Variants in TACR3 observed in about 807,000 individuals in gnomAD.
TACR3 encodes the protein neuromedin-K receptor.
TACR3 carries 34 observed loss-of-function variants against 35.0 expected under a neutral mutation model. That is an observed-to-expected ratio of 0.97 (90% CI 0.74 to 1.30). The LOEUF (loss-of-function observed/expected upper bound fraction) is 1.30, where lower values mean the gene tolerates loss of function less well. TACR3 is among the 50% of genes most tolerant of loss of function. The pLI is 0.00. For missense variants in TACR3, 558 were observed against 591.7 expected, an observed-to-expected ratio of 0.94 and a Z score of 0.59; for synonymous variants, 233 against 221.1, an observed-to-expected ratio of 1.05 and a Z score of -0.48.
intron 1 of TACR3, among the ~76,000 whole-genome samples, chr4:103,703,680 T>C (rs935021705): frequency 2.0e-5 from 3 of 152,114 alleles, no homozygotes; most frequent in African/African-American, 7.2e-5. Flanking sequence ...TGATTTATGC[T>C]CAGAGTGATG....
At position 103,698,018 on chromosome 4, in the gene TACR3, T is replaced by C. The variant is rs1722563795; in HGVS notation, c.548+21110A>G. The stretch of plus-strand genomic sequence containing the variant: ...ATTCTGTTATTTTAAAAGATAATAT[T>C]GAATTATACTACTATTGTTTGATTC... On this transcript the variant is annotated intron_variant, in intron 1 of 4. Coordinates refer to ENST00000304883, the MANE Select transcript of TACR3 (RefSeq NM_001059.3). Among the ~76,000 whole-genome samples, 6 of 152,184 alleles carry C rather than the reference T, an allele frequency of 3.9e-5. No homozygotes were observed. In the South Asian group the frequency reaches 1.2e-3, roughly 31 times the overall value.
intron 3 of TACR3, among the ~76,000 whole-genome samples, chr4:103,622,021 C>CA (rs1724793610): frequency 6.6e-6 from 1 of 151,948 alleles, no homozygotes; most frequent in Non-Finnish European, 1.5e-5. Context: ...GAAGAAAAGC[C>CA]AAAAAAGTCT....
At chr4:103,679,853 G>T (rs1006338985) in intron 1 of TACR3, among the ~76,000 whole-genome samples, 1 of 151,638 alleles carries the variant, frequency 6.6e-6, no homozygotes, top group Admixed American at 6.6e-5. Flanking sequence ...TCTAACAAAA[G>T]GTACACTGGA....
intron 1 of TACR3, among the ~76,000 whole-genome samples, chr4:103,667,382 G>T (rs1199542687): frequency 1.3e-5 from 2 of 152,134 alleles, no homozygotes; most frequent in Non-Finnish European, 2.9e-5. Flanking sequence ...AATACAATTA[G>T]ATAGAAGAAA....
At chr4:103,664,274 T>TA (rs1725892848) in intron 1 of TACR3, among the ~76,000 whole-genome samples, 1 of 152,240 alleles carries the variant, frequency 6.6e-6, no homozygotes. Context: ...TATGTTTACT[T>TA]ATTGTCTTTT....
At chr4:103,593,655 C>A (rs1723942133) in intron 3 of TACR3, among the ~76,000 whole-genome samples, 1 of 152,068 alleles carries the variant, frequency 6.6e-6, no homozygotes, top group Non-Finnish European at 1.5e-5. Flanking sequence ...TTTTCCCTGG[C>A]TCCTCCCTCT....
chr4:103,709,990 A>G (rs1722904665), intron 1 of TACR3, among the ~76,000 whole-genome samples: 1 of 152,162 alleles, frequency 6.6e-6, no homozygotes. Context: ...CCAACACAGG[A>G]GCACCCAGAT....
At chr4:103,623,623 C>A (rs900286562) in intron 3 of TACR3, among the ~76,000 whole-genome samples, 1 of 152,018 alleles carries the variant, frequency 6.6e-6, no homozygotes, top group Non-Finnish European at 1.5e-5. Context: ...CTGCCTAAAT[C>A]CTAGGCAGTC....
chr4:103,645,433 T>G (rs1010779133), intron 3 of TACR3, among the ~76,000 whole-genome samples: 1 of 151,818 alleles, frequency 6.6e-6, no homozygotes, highest in East Asian at 1.9e-4. Flanking sequence ...CCTCTGTGGC[T>G]GTTGCTGCTG....
chr4:103,622,664 G>A (rs776732728), intron 3 of TACR3, among the ~76,000 whole-genome samples: 1 of 152,186 alleles, frequency 6.6e-6, no homozygotes, highest in Non-Finnish European at 1.5e-5. Context: ...GGGAAGCGGA[G>A]CTTGCAGTGA....
intron 1 of TACR3, among the ~76,000 whole-genome samples, chr4:103,659,571 T>TCATACTGCCTC (rs1299799470): frequency 2.0e-5 from 3 of 152,214 alleles, no homozygotes; most frequent in African/African-American, 7.2e-5. Context: ...GCCTTCCTGT[T>TCATACTGCCTC]ATACCTCATA....
chr4:103,683,878 G>A (rs1255424830), intron 1 of TACR3, among the ~76,000 whole-genome samples: 2 of 151,350 alleles, frequency 1.3e-5, no homozygotes, highest in Non-Finnish European at 3.0e-5. Context: ...GAGAGAGAGA[G>A]GAGAGCCAGA....
chr4:103,643,943 G>C (rs1404311623), intron 3 of TACR3, among the ~76,000 whole-genome samples: 2 of 151,626 alleles, frequency 1.3e-5, no homozygotes, highest in Admixed American at 1.3e-4. Flanking sequence ...ACACTGAAAG[G>C]CTTTAGATAT....
At chr4:103,676,846 G>A (rs1012334350) in intron 1 of TACR3, among the ~76,000 whole-genome samples, 5 of 152,048 alleles carry the variant, frequency 3.3e-5, no homozygotes, top group Non-Finnish European at 7.4e-5. Context: ...TGCAGCGAAA[G>A]CAAAAATAGA....
At chr4:103,635,764 G>T (rs1380509778) in intron 3 of TACR3, among the ~76,000 whole-genome samples, 3 of 138,184 alleles carry the variant, frequency 2.2e-5, no homozygotes, top group Non-Finnish European at 4.6e-5. Context: ...ATAATTGGAA[G>T]AGAATTTAGA....
intron 3 of TACR3, among the ~76,000 whole-genome samples, chr4:103,625,926 C>T (rs1205094147): frequency 6.6e-6 from 1 of 152,096 alleles, no homozygotes; most frequent in African/African-American, 2.4e-5. Flanking sequence ...GAGATTAGGA[C>T]ACAGACCTGA....
intron 1 of TACR3, among the ~76,000 whole-genome samples, chr4:103,679,520 T>C (rs1304310154): frequency 6.6e-6 from 1 of 152,004 alleles, no homozygotes; most frequent in Non-Finnish European, 1.5e-5. Context: ...CCACATCAGA[T>C]GTCCTTTCAT....
intron 3 of TACR3, among the ~76,000 whole-genome samples, chr4:103,650,655 A>T (rs1411212190): frequency 1.9e-5 from 1 of 52,722 alleles, no homozygotes; most frequent in Non-Finnish European, 2.8e-5. Flanking sequence ...AATATATATA[A>T]ATATATATAA....
At chr4:103,673,500 A>G (rs1726095832) in intron 1 of TACR3, among the ~76,000 whole-genome samples, 1 of 152,172 alleles carries the variant, frequency 6.6e-6, no homozygotes, top group Non-Finnish European at 1.5e-5. Flanking sequence ...ACATTTGCTG[A>G]TGAACTTCAC....
Sources: allele counts gnomAD v4.1 joint callset (sites outside exome capture counted in the v4.1 genomes callset), GRCh38; gene constraint gnomAD v4.1.1; transcripts MANE v1.5; gene names NCBI Gene and HGNC (gene_info 2026-07-23, HGNC 2026-07-21).